The following EYA2 variants were observed in gnomAD, a reference collection of about 807,000 sequenced individuals.
The protein encoded by EYA2 is EYA transcriptional coactivator and phosphatase 2.
A neutral mutation model predicts 69.2 loss-of-function variants in EYA2; 31 were observed. That is an observed-to-expected ratio of 0.45 (90% confidence interval 0.34 to 0.60). The LOEUF (loss-of-function observed/expected upper bound fraction) is 0.60, where lower values mean the gene tolerates loss of function less well. Ranked by LOEUF, EYA2 falls within the 20% of genes least tolerant of loss-of-function variation. The pLI, the probability that EYA2 is intolerant of heterozygous loss-of-function variation, is 0.02. For synonymous variants in EYA2, 257 were observed against 279.4 expected (o/e 0.92, Z 0.80); for missense variants, 622 against 701.2 (o/e 0.89, Z 1.28).
At chr20:46,964,135 T>C (rs78823591) in intron 1 of EYA2, among the ~76,000 whole-genome samples, 8,593 of 152,246 alleles carry the variant, frequency 0.056, 756 homozygotes, top group African/African-American at 0.19. Context: ...TTTATAAAGG[T>C]GTACACTGCA....
chr20:47,092,861 C>T (rs536919015), intron 8 of EYA2, among the ~76,000 whole-genome samples: 4 of 152,122 alleles, frequency 2.6e-5, no homozygotes, highest in South Asian at 4.2e-4. Context: ...CTGAAGCCCA[C>T]GGGAGAGAAA....
chr20:47,116,401 C>A (rs1228541312), intron 9 of EYA2, among the ~76,000 whole-genome samples: 1 of 152,128 alleles, frequency 6.6e-6, no homozygotes, highest in Non-Finnish European at 1.5e-5. Context: ...TGGTCTCGAA[C>A]TCCTGACCTC....
chr20:47,045,327 A>T (rs2146423371), intron 5 of EYA2, among the ~76,000 whole-genome samples: 1 of 152,294 alleles, frequency 6.6e-6, no homozygotes, highest in Non-Finnish European at 1.5e-5. Flanking sequence ...ATAGCATAGT[A>T]CTGGGTTCTA....
chr20:47,188,097 G>A lies in EYA2; in HGVS notation c.1581G>A (p.Glu527=), dbSNP rs1413987799. ...GGATATCCTGCCACGCAGACCTGGA[G>A]GCACTGAGGCACGCCCTGGAGCTGG... is the stretch of plus-strand genomic sequence containing the variant. ...FWRISCHADL[E]ALRHALELEY... The change falls in exon 16 of 16, where the codon GAG becomes GAA. Residue 527 remains glutamate (E), a synonymous_variant. Transcript: ENST00000327619. The A allele has an allele frequency of 1.3e-6, 2 of 1,587,418 alleles. No individual in the cohort carries two copies. The highest frequency in any genetic ancestry group is 1.7e-6 in the Non-Finnish European group (2 of 1,166,872).
intron 11 of EYA2, among the ~76,000 whole-genome samples, chr20:47,171,586 A>G (rs1049869674): frequency 5.3e-5 from 8 of 152,076 alleles, no homozygotes; most frequent in African/African-American, 1.9e-4. Flanking sequence ...AGGCATAGAG[A>G]GATTGAGCAA....
intron 1 of EYA2, among the ~76,000 whole-genome samples, chr20:46,944,289 C>T (rs759918507): frequency 4.6e-5 from 7 of 152,140 alleles, no homozygotes; most frequent in Non-Finnish European, 7.4e-5. Flanking sequence ...GGTCAGGGTT[C>T]GAGACAAGAT....
intron 1 of EYA2, among the ~76,000 whole-genome samples, chr20:46,912,696 T>TC (rs72445381): frequency 0.026 from 3,920 of 149,930 alleles, 68 homozygotes; most frequent in East Asian, 0.083. Context: ...AATTTTTTTT[T>TC]TTTTTCTTTT....
chr20:47,040,581 C>T (rs867071464), intron 5 of EYA2, among the ~76,000 whole-genome samples: 22 of 152,348 alleles, frequency 1.4e-4, no homozygotes, highest in Admixed American at 3.9e-4. Flanking sequence ...CTGTTACACG[C>T]TCTGCTGTTA....
intron 5 of EYA2, among the ~76,000 whole-genome samples, chr20:47,054,649 G>T (rs1361695301): frequency 6.6e-6 from 1 of 152,076 alleles, no homozygotes; most frequent in Non-Finnish European, 1.5e-5. Context: ...GGCAGCCCAG[G>T]ACTTGACCCC....
chr20:47,148,020 C>G (rs2033739236), intron 10 of EYA2, among the ~76,000 whole-genome samples: 1 of 143,076 alleles, frequency 7.0e-6, no homozygotes, highest in Admixed American at 7.0e-5. Flanking sequence ...GATCGCCCCA[C>G]TGTACTCCAG....
intron 7 of EYA2, among the ~76,000 whole-genome samples, chr20:47,084,612 T>C (rs1368278263): frequency 6.6e-6 from 1 of 152,052 alleles, no homozygotes; most frequent in Non-Finnish European, 1.5e-5. Flanking sequence ...AAAGAAGATA[T>C]AGGGATGGCC....
chr20:47,178,543 A>G (rs1406928340), intron 12 of EYA2, among the ~76,000 whole-genome samples: 1 of 151,860 alleles, frequency 6.6e-6, no homozygotes, highest in African/African-American at 2.4e-5. Flanking sequence ...CTCAGTAGGG[A>G]CAGGATCATG....
At chr20:47,187,976 A>C (rs1221815192) in intron 15 of EYA2, 77 bp from the exon 16 acceptor site, 8 of 1,459,050 alleles carry the variant, frequency 5.5e-6, no homozygotes, top group Non-Finnish European at 7.5e-6. Flanking sequence ...GACTTCTCAC[A>C]TGCCCTCTAA....
chr20:47,077,705 T>C lies in EYA2; in HGVS notation c.661+3370T>C, dbSNP rs192913288. Among the ~76,000 whole-genome samples the C allele has an allele frequency of 1.4e-3, 210 of 152,368 alleles. 2 individuals carry two copies. Among genetic ancestry groups the C allele is most frequent in the Admixed American group, 3.1e-3 (48 of 15,306 alleles). On this transcript the variant is annotated intron_variant, in intron 7 of 15. Coordinates refer to ENST00000327619, the MANE Select transcript of EYA2 (RefSeq NM_005244.5). ...AGCATGTTAAATAAAGTCAACTTTTTAAAAGGTTTAGAGCTTGAGCATTGA... is the reference window on the plus strand; with the variant it reads ...AGCATGTTAAATAAAGTCAACTTTTCAAAAGGTTTAGAGCTTGAGCATTGA...
chr20:46,911,425 T>C (rs1408492051), intron 1 of EYA2, among the ~76,000 whole-genome samples: 1 of 152,216 alleles, frequency 6.6e-6, no homozygotes, highest in Non-Finnish European at 1.5e-5. Flanking sequence ...CCGGGCAGGC[T>C]CAGCATTGGC....
intron 1 of EYA2, among the ~76,000 whole-genome samples, chr20:46,984,169 A>G (rs538496424): frequency 6.6e-6 from 1 of 152,348 alleles, no homozygotes; most frequent in South Asian, 2.1e-4. Flanking sequence ...ATAGTTTAAC[A>G]TGTAGACAAA....
At chr20:47,074,038 C>T (rs2031415506) in intron 6 of EYA2, 120 bp from the exon 7 acceptor site, 1 of 967,170 alleles carries the variant, frequency 1.0e-6, no homozygotes. Flanking sequence ...AAAATGAAGA[C>T]AGTTTCTGCC....
intron 14 of EYA2, among the ~76,000 whole-genome samples, chr20:47,181,730 T>C (rs200180199): frequency 6.6e-6 from 1 of 150,816 alleles, no homozygotes; most frequent in East Asian, 1.9e-4. Context: ...ATAAAAAAAA[T>C]AAATAATTTA....
chr20:47,130,197 A>T (rs528932862), intron 9 of EYA2, among the ~76,000 whole-genome samples: 38 of 145,328 alleles, frequency 2.6e-4, no homozygotes, highest in Non-Finnish European at 4.0e-4. Flanking sequence ...TCACTACTTT[A>T]AAAAAAATGA....
Sources: gnomAD v4.1 joint callset for allele counts (sites outside exome capture counted in the v4.1 genomes callset) on GRCh38, gnomAD v4.1.1 for gene constraint, MANE v1.5 for transcripts, NCBI Gene and HGNC (gene_info 2026-07-23, HGNC 2026-07-21) for gene names.